NFAT5: variants seen among roughly 807,000 people sequenced by gnomAD.
NFAT5 encodes nuclear factor of activated T-cells 5.
In NFAT5, 31 loss-of-function variants were observed where a neutral mutation model predicts 166.5. The ratio of observed to expected loss-of-function variants is 0.19; its 90% CI spans 0.14 to 0.25. The LOEUF is 0.25. Among genes scored for constraint, NFAT5 ranks in the 10% least tolerant of loss-of-function variants. The pLI, the probability that NFAT5 is intolerant of heterozygous loss-of-function variation, is 1.00. For synonymous variants in NFAT5, 612 were observed against 639.7 expected, an observed-to-expected ratio of 0.96 and a Z score of 0.65; for missense variants, 1,449 against 1,821.8, an observed-to-expected ratio of 0.80 and a Z score of 3.72.
intron 2 of NFAT5, among the ~76,000 whole-genome samples, chr16:69,599,261 T>C (rs1040118163): frequency 1.2e-4 from 19 of 152,080 alleles, no homozygotes; most frequent in South Asian, 4.1e-4. Flanking sequence ...AACTTTATGT[T>C]GTGTGAATTA....
intron 2 of NFAT5, among the ~76,000 whole-genome samples, chr16:69,607,536 A>G (rs2033479340): frequency 6.6e-6 from 1 of 152,216 alleles, no homozygotes; most frequent in Non-Finnish European, 1.5e-5. Flanking sequence ...TAGAACCTTT[A>G]TCCCCTGAGT....
intron 2 of NFAT5, among the ~76,000 whole-genome samples, chr16:69,614,156 C>CTT (rs1160195056): frequency 1.4e-5 from 2 of 145,736 alleles, no homozygotes; most frequent in African/African-American, 2.5e-5. Flanking sequence ...CTCTTTCTCT[C>CTT]TTTTTTTTTT....
chr16:69,659,613 AC>A (rs2036035719), intron 6 of NFAT5, 113 bp from the exon 7 acceptor site: 1 of 731,640 alleles, frequency 1.4e-6, no homozygotes, highest in African/African-American at 1.8e-5. Context: ...TAACTTTATT[AC>A]ATATTCACAG....
At chr16:69,649,310 A>G (rs2035574664) in intron 4 of NFAT5, 6 of 967,140 alleles carry the variant, frequency 6.2e-6, no homozygotes, top group Admixed American at 6.2e-5. Flanking sequence ...TCATTTTTAT[A>G]TCAAAATGAA....
In NFAT5 at chr16:69,693,993, G is replaced by C. The variant is rs2037667181; in HGVS notation, c.4168G>C (p.Val1390Leu). 4 of 1,614,200 alleles carry C rather than the reference G, an allele frequency of 2.5e-6. No individual in the cohort carries two copies. The highest frequency in any genetic ancestry group is 3.4e-6 in the Non-Finnish European group (4 of 1,180,028). Residue 1390 changes from valine (V) to leucine (L), a missense_variant, in exon 13 of 15, where the codon GTA becomes CTA. Coordinates refer to ENST00000349945, the MANE Select transcript of NFAT5 (RefSeq NM_138713.4). ...GTCACCTAGTTCTCAAGAGCAGCAA[G>C]TAACTCTCTTCTTATCTCCAGCATC... ...QGSPSSQEQQ[V>L]TLFLSPASMS...
intron 3 of NFAT5, among the ~76,000 whole-genome samples, chr16:69,636,381 T>C (rs960891071): frequency 2.0e-5 from 3 of 152,174 alleles, no homozygotes; most frequent in Admixed American, 1.3e-4. Context: ...TGGAAGACAT[T>C]GGCCCTCTCC....
chr16:69,628,998 C>T (rs967585087), intron 3 of NFAT5, among the ~76,000 whole-genome samples: 11 of 152,110 alleles, frequency 7.2e-5, no homozygotes, highest in Admixed American at 3.3e-4. Flanking sequence ...TGCTTGAACC[C>T]GAGAGGCGGA....
intron 2 of NFAT5, among the ~76,000 whole-genome samples, chr16:69,625,398 T>C (rs2034409326): frequency 6.6e-6 from 1 of 152,048 alleles, no homozygotes; most frequent in Non-Finnish European, 1.5e-5. Flanking sequence ...TAATTTGGAA[T>C]ACAAAAGTAA....
Position 69,697,983 on chromosome 16 carries a change from G to A in NFAT5, c.*1632G>A, listed in dbSNP as rs1027044903. On this transcript the variant is annotated 3_prime_UTR_variant, in exon 15 of 15. Coordinates refer to ENST00000349945, the MANE Select transcript of NFAT5 (RefSeq NM_138713.4). ...TATCCTGTACATTTAGTTGAACTGT[G>A]CGGAATTGTGGTGTTGGTTTTGTTT... 1.8e-4 allele frequency: 26 copies of A among 145,196 alleles called. No homozygotes were observed. The highest frequency in any genetic ancestry group is 5.3e-4 in the African/African-American group (21 of 39,300). The allele number at this position is 145,196 out of a possible 1,614,324, so 9.0% of individuals were successfully genotyped here. A position where few individuals can be genotyped will look rare whatever the true frequency, so the allele number is the denominator to read the frequency against.
chr16:69,637,265 G>A (rs1420982257), intron 3 of NFAT5, among the ~76,000 whole-genome samples: 2 of 152,174 alleles, frequency 1.3e-5, no homozygotes, highest in Non-Finnish European at 2.9e-5. Context: ...CACTCAACAA[G>A]TCTCTAGGAA....
At chr16:69,690,515 C>T (rs1567611107) in intron 11 of NFAT5, 1 of 152,062 alleles carries the variant, frequency 6.6e-6, no homozygotes, top group Non-Finnish European at 1.5e-5. Context: ...TCTCATAGTC[C>T]TTAAGAAGTT....
At chr16:69,631,387 C>T (rs1451365528) in intron 3 of NFAT5, among the ~76,000 whole-genome samples, 1 of 151,970 alleles carries the variant, frequency 6.6e-6, no homozygotes, top group Non-Finnish European at 1.5e-5. Context: ...GCCAAGATCA[C>T]GCCACTGCAC....
intron 7 of NFAT5, among the ~76,000 whole-genome samples, chr16:69,661,136 T>G (rs2036115909): frequency 6.7e-6 from 1 of 149,866 alleles, no homozygotes; most frequent in Admixed American, 6.7e-5. Flanking sequence ...ACCAGCACTT[T>G]GAGAGGCCAA....
chr16:69,688,810 G>C (rs896710422), intron 11 of NFAT5, among the ~76,000 whole-genome samples: 1 of 152,184 alleles, frequency 6.6e-6, no homozygotes, highest in Non-Finnish European at 1.5e-5. Flanking sequence ...AACAACATCT[G>C]CCTTCACAGA....
At chr16:69,664,567 G>C (rs2036283241) in intron 7 of NFAT5, among the ~76,000 whole-genome samples, 1 of 152,114 alleles carries the variant, frequency 6.6e-6, no homozygotes, top group Admixed American at 6.5e-5. Context: ...TTACAGGTGT[G>C]AGCCACCGCA....
At chr16:69,582,811 T>G (rs1267914541) in intron 2 of NFAT5, among the ~76,000 whole-genome samples, 3 of 151,908 alleles carry the variant, frequency 2.0e-5, no homozygotes, top group Non-Finnish European at 4.4e-5. Flanking sequence ...CCTTCCAACT[T>G]TTTTTCTTCT....
At chr16:69,669,826 T>C in intron 7 of NFAT5, 151 bp from the exon 8 acceptor site, 3 of 656,818 alleles carry the variant, frequency 4.6e-6, no homozygotes, top group East Asian at 3.2e-5. Flanking sequence ...GCAAGAATTA[T>C]AGCCTTTCCA....
At chr16:69,598,300 G>A (rs1472939128) in intron 2 of NFAT5, among the ~76,000 whole-genome samples, 3 of 150,912 alleles carry the variant, frequency 2.0e-5, no homozygotes, top group African/African-American at 4.9e-5. Flanking sequence ...ATCACTTGAG[G>A]CCAGGAGGTT....
chr16:69,571,482 T>G (rs1222052254), intron 2 of NFAT5, among the ~76,000 whole-genome samples: 1 of 152,140 alleles, frequency 6.6e-6, no homozygotes, highest in Admixed American at 6.6e-5. Context: ...TAGTCTCACT[T>G]TAGCCTAGCC....
Sources: gnomAD v4.1 joint callset for allele counts (sites outside exome capture counted in the v4.1 genomes callset) on GRCh38, gnomAD v4.1.1 for gene constraint, MANE v1.5 for transcripts, NCBI Gene and HGNC (gene_info 2026-07-23, HGNC 2026-07-21) for gene names.